The following MGME1 variants were observed in gnomAD, a reference collection of about 807,000 sequenced individuals.
The protein encoded by MGME1 is mitochondrial genome maintenance exonuclease 1.
MGME1 carries 22 observed loss-of-function variants against 33.0 expected under a neutral mutation model. The ratio of observed to expected loss-of-function variants is 0.67; its 90% CI spans 0.48 to 0.95. The LOEUF is 0.95. Among genes scored for constraint, MGME1 ranks in the 40% least tolerant of loss-of-function variants. The probability of loss-of-function intolerance (pLI) is 0.00; values close to 1 mark genes in which losing one functional copy is unlikely to be tolerated. For missense variants in MGME1, 383 were observed against 397.8 expected (o/e 0.96, Z 0.32); for synonymous variants, 133 against 144.0 (o/e 0.92, Z 0.55).
rs1167379206 is a variant in MGME1 at position 17,970,143 on chromosome 20, G to C, written c.284G>C (p.Arg95Pro). ...CTGCCAAACCAAGGTGAGGACAGACGAGTGCCACAAAACTGGTTTCCTATC... is the reference window on the plus strand; with the variant it reads ...CTGCCAAACCAAGGTGAGGACAGACCAGTGCCACAAAACTGGTTTCCTATC... ...HKLPNQGEDR[R>P]VPQNWFPIFN... The change falls in exon 2 of 5, where the codon CGA becomes CCA. Residue 95 changes from arginine to proline, a missense_variant. Transcript: ENST00000377710. 2.5e-6 allele frequency: 4 copies of C among 1,614,204 alleles called. No individual in the cohort carries two copies. The Admixed American group carries it at 6.7e-5, about 27-fold the overall frequency.
At chr20:17,972,631 G>T in intron 2 of MGME1, 1 of 975,914 alleles carries the variant, frequency 1.0e-6, no homozygotes, top group African/African-American at 1.8e-5. Flanking sequence ...AATATTCTTG[G>T]ATCATTTTTT....
At position 17,991,049 on chromosome 20, in the gene MGME1, A is replaced by G. The variant is rs2036286839; in HGVS notation, c.*940A>G. On this transcript the variant is annotated 3_prime_UTR_variant, in exon 5 of 5. Coordinates refer to ENST00000377710, the MANE Select transcript of MGME1 (RefSeq NM_052865.4). ...TAAGTTATACAGTTGCTGCCTTAAA[A>G]TAGTAGCCTGCTACAATGACTTCTT... 1 of 152,206 alleles carries G rather than the reference A, an allele frequency of 6.6e-6. No homozygotes were observed. The highest frequency in any genetic ancestry group is 2.4e-5 in the African/African-American group (1 of 41,454). 9.4% of individuals were successfully genotyped at this position (152,206 alleles called of 1,614,324 possible).
intron 2 of MGME1, 134 bp downstream of exon 2, chr20:17,970,504 T>C: frequency 1.2e-6 from 1 of 815,876 alleles, no homozygotes; most frequent in Non-Finnish European, 1.9e-6. Flanking sequence ...GTAATTAACA[T>C]TAAATAGCAC....
chr20:17,978,825 G>T (rs1301134249), intron 3 of MGME1, among the ~76,000 whole-genome samples: 2 of 151,922 alleles, frequency 1.3e-5, no homozygotes, highest in Non-Finnish European at 2.9e-5. Flanking sequence ...ACCCAGACTG[G>T]AGTGTGGTGG....
At chr20:17,985,503 T>C (rs2036133140) in intron 3 of MGME1, among the ~76,000 whole-genome samples, 1 of 152,176 alleles carries the variant, frequency 6.6e-6, no homozygotes, top group Admixed American at 6.6e-5. Flanking sequence ...GAAAAACGTT[T>C]TTTATAAATT....
At chr20:17,973,484 C>CA (rs200547616) in intron 2 of MGME1, among the ~76,000 whole-genome samples, 4 of 148,634 alleles carry the variant, frequency 2.7e-5, no homozygotes, top group African/African-American at 5.0e-5. Context: ...TGCATCTCTA[C>CA]AAAAAAAAAA....
Position 17,988,252 on chromosome 20 carries a change from T to A in MGME1, c.818T>A (p.Val273Glu), listed in dbSNP as rs772022766. 6.2e-7 allele frequency: 1 copy of A among 1,614,124 alleles called. No individual in the cohort carries two copies. The highest frequency in any genetic ancestry group is 2.2e-5 in the East Asian group (1 of 44,878). Residue 273 changes from valine (V) to glutamate (E), a missense_variant, in exon 4 of 5, where the codon GTG (valine) becomes GAG (glutamate). Coordinates refer to ENST00000377710, the MANE Select transcript of MGME1 (RefSeq NM_052865.4). ...ACATTTGACAACCCACTGCAAGTTG[T>A]GGCATACATGGGTGCCATGAACCAT... is the stretch of plus-strand genomic sequence containing the variant. ...QSTFDNPLQV[V>E]AYMGAMNHDT... is the part of the protein sequence containing the mutation.
rs1465692521 is a variant in MGME1, at chr20:17,990,700, T to TG, written c.*591_*592insG. 1 of 153,128 alleles carries TG rather than the reference T, an allele frequency of 6.5e-6. No individual in the cohort carries two copies. The highest frequency in any genetic ancestry group is 1.5e-5 in the Non-Finnish European group (1 of 68,752). 9.5% of individuals were successfully genotyped at this position (153,128 alleles called of 1,614,324 possible). A position where few individuals can be genotyped will look rare whatever the true frequency, so the allele number is the denominator to read the frequency against. On this transcript the variant is annotated 3_prime_UTR_variant, in exon 5 of 5. Transcript: ENST00000377710. Reference sequence around the variant, plus strand: ...TTAGCCTCAACTAAACATTGCTGACTATAAAGACAGTATATTCACCATGTC... The same window carrying TG: ...TTAGCCTCAACTAAACATTGCTGACTGATAAAGACAGTATATTCACCATGTC...
rs184976420 is a variant in MGME1, at chr20:17,990,629, G to T, written c.*520G>T. The T allele has an allele frequency of 3.8e-4, 59 of 156,426 alleles. No individual in the cohort carries two copies. Among genetic ancestry groups the T allele is most frequent in the Admixed American group, 1.6e-3 (25 of 15,576 alleles). The allele number at this position is 156,426 out of a possible 1,614,324, so 9.7% of individuals were successfully genotyped here. On this transcript the variant is annotated 3_prime_UTR_variant, in exon 5 of 5. Coordinates refer to ENST00000377710, the MANE Select transcript of MGME1 (RefSeq NM_052865.4). ...ACATTGGGGTTTTCTATATATTTCA[G>T]CTGGGAAAAGCTTACATTTAACCTT... is the stretch of plus-strand genomic sequence containing the variant.
chr20:17,970,142 C>CACA lies in MGME1; in HGVS notation c.283_284insACA (p.Arg94_Arg95insHis), dbSNP rs1568604712. 2.5e-6 allele frequency: 4 copies of CACA among 1,614,190 alleles called. No homozygotes were observed. The Admixed American group carries it at 6.7e-5, about 27-fold the overall frequency. Reference sequence around the variant, plus strand: ...GCTGCCAAACCAAGGTGAGGACAGACGAGTGCCACAAAACTGGTTTCCTAT... The same window carrying CACA: ...GCTGCCAAACCAAGGTGAGGACAGACACAGAGTGCCACAAAACTGGTTTCCTAT... On this transcript the variant is annotated inframe_insertion, in exon 2 of 5. Coordinates refer to ENST00000377710, the MANE Select transcript of MGME1 (RefSeq NM_052865.4).
At chr20:17,974,363 C>T (rs941138497) in intron 2 of MGME1, among the ~76,000 whole-genome samples, 2 of 152,128 alleles carry the variant, frequency 1.3e-5, no homozygotes, top group Non-Finnish European at 2.9e-5. Flanking sequence ...CCATGCCCGG[C>T]CATGTTCCCT....
intron 3 of MGME1, among the ~76,000 whole-genome samples, chr20:17,984,424 A>G (rs1344398376): frequency 6.6e-6 from 1 of 152,190 alleles, no homozygotes; most frequent in Non-Finnish European, 1.5e-5. Context: ...TAGTGATGTT[A>G]TGTTATAGTG....
Position 17,970,375 on chromosome 20 carries a change from T to C in MGME1, c.511+5T>C, listed in dbSNP as rs766954470. 6.2e-7 allele frequency: 1 copy of C among 1,600,436 alleles called. No homozygotes were observed. Among genetic ancestry groups the C allele is most frequent in the Non-Finnish European group, 8.5e-7 (1 of 1,174,590 alleles). ...GCTTTAAAGAATACACTTCAAGTAA[T>C]TATCTCAATTCTGATTCTATATGTT... On this transcript the variant is annotated splice_donor_5th_base_variant and intron_variant, in intron 2 of 4. Coordinates refer to ENST00000377710, the MANE Select transcript of MGME1 (RefSeq NM_052865.4).
At chr20:17,985,691 C>T (rs1600402579) in intron 3 of MGME1, among the ~76,000 whole-genome samples, 1 of 152,116 alleles carries the variant, frequency 6.6e-6, no homozygotes, top group Non-Finnish European at 1.5e-5. Context: ...TTTTATACCA[C>T]ATTTTTACTG....
chr20:17,972,130 G>C (rs148682194), intron 2 of MGME1, among the ~76,000 whole-genome samples: 2,794 of 152,214 alleles, frequency 0.018, 49 homozygotes, highest in Middle Eastern at 0.041. Context: ...AAAGAAAAAG[G>C]GCTCACTAAA....
chr20:17,974,589 C>T (rs1320467002), intron 2 of MGME1, among the ~76,000 whole-genome samples: 2 of 152,086 alleles, frequency 1.3e-5, no homozygotes, highest in African/African-American at 2.4e-5. Context: ...CTAATGTGTC[C>T]TAATGAAATT....
At chr20:17,976,684 G>A (rs557075528) in intron 3 of MGME1, among the ~76,000 whole-genome samples, 7 of 151,594 alleles carry the variant, frequency 4.6e-5, no homozygotes, top group East Asian at 4.0e-4. Context: ...TTTTTGAGAC[G>A]GAGTTTTGCT....
At chr20:17,977,774 A>G (rs188737088) in intron 3 of MGME1, among the ~76,000 whole-genome samples, 1 of 152,312 alleles carries the variant, frequency 6.6e-6, no homozygotes, top group Admixed American at 6.5e-5. Context: ...TTAAACATCT[A>G]GAGGCTATGA....
Position 17,979,102 on chromosome 20 carries a change from A to C in MGME1, c.731+3199A>C, listed in dbSNP as rs574444004. On this transcript the variant is annotated intron_variant, in intron 3 of 4. Coordinates refer to ENST00000377710, the MANE Select transcript of MGME1 (RefSeq NM_052865.4). Reference sequence around the variant, plus strand: ...CTAGAATTTTTTTTTTTTAAGACACAGTTTTGTTCAGTTGCCCAAGCTGGA... The same window carrying C: ...CTAGAATTTTTTTTTTTTAAGACACCGTTTTGTTCAGTTGCCCAAGCTGGA... Among the ~76,000 whole-genome samples the C allele has an allele frequency of 3.7e-4, 56 of 150,512 alleles. No homozygotes were observed. The South Asian group carries it at 6.3e-3, about 17-fold the overall frequency.
Sources: gnomAD v4.1 joint callset for allele counts (sites outside exome capture counted in the v4.1 genomes callset) on GRCh38, gnomAD v4.1.1 for gene constraint, MANE v1.5 for transcripts, NCBI Gene and HGNC (gene_info 2026-07-23, HGNC 2026-07-21) for gene names.